The following C8orf34 variants were observed in gnomAD, a reference collection of about 807,000 sequenced individuals.
C8orf34 encodes uncharacterized protein C8orf34.
A neutral mutation model predicts 68.3 loss-of-function variants in C8orf34; 65 were observed. The ratio of observed to expected loss-of-function variants is 0.95; its 90% CI spans 0.78 to 1.17. The LOEUF (loss-of-function observed/expected upper bound fraction) is 1.17, where lower values mean the gene tolerates loss of function less well. Ranked by LOEUF, C8orf34 falls within the 50% of genes most tolerant of loss-of-function variation. The pLI, the probability that C8orf34 is intolerant of heterozygous loss-of-function variation, is 0.00. For synonymous variants in C8orf34, 244 were observed against 241.2 expected (o/e 1.01, Z -0.11); for missense variants, 664 against 655.4 (o/e 1.01, Z -0.14).
intron 12 of C8orf34, among the ~76,000 whole-genome samples, chr8:68,802,964 G>A (rs1824375529): frequency 6.6e-6 from 1 of 151,842 alleles, no homozygotes; most frequent in African/African-American, 2.4e-5. Context: ...CTGACACACA[G>A]GAAATAGAAA....
At chr8:68,417,423 A>G (rs1430692027) in intron 1 of C8orf34, among the ~76,000 whole-genome samples, 2 of 152,070 alleles carry the variant, frequency 1.3e-5, no homozygotes, top group Admixed American at 6.6e-5. Flanking sequence ...GATTAAATAA[A>G]CTTGTACAGC....
intron 10 of C8orf34, among the ~76,000 whole-genome samples, chr8:68,767,360 T>A (rs1352665784): frequency 3.9e-5 from 6 of 152,172 alleles, no homozygotes; most frequent in South Asian, 2.1e-4. Context: ...GCATTCATTG[T>A]CCCCCAAAGT....
rs1305149322 is a variant in C8orf34 at position 68,488,008 on chromosome 8, T to C, written c.737-15T>C. 3 of 1,575,824 alleles carry C rather than the reference T, an allele frequency of 1.9e-6. No homozygotes were observed. The highest frequency in any genetic ancestry group is 2.7e-5 in the African/African-American group (2 of 73,356). On this transcript the variant is annotated splice_polypyrimidine_tract_variant and intron_variant, in intron 4 of 13. Transcript: ENST00000518698. ...CTTCTAAAACTTTTTTTTATAAATC[T>C]CTTTTAAATCCCAGGTATTGCAATT...
intron 8 of C8orf34, among the ~76,000 whole-genome samples, chr8:68,706,877 G>C (rs1821181620): frequency 2.0e-5 from 3 of 152,260 alleles, no homozygotes; most frequent in Middle Eastern, 3.4e-3. Flanking sequence ...CCTGGGAGAG[G>C]AGGTCCTGGA....
intron 8 of C8orf34, among the ~76,000 whole-genome samples, chr8:68,673,077 A>C (rs1208320529): frequency 6.6e-6 from 1 of 152,070 alleles, no homozygotes; most frequent in Non-Finnish European, 1.5e-5. Context: ...AGGATTAATC[A>C]TCTGCTGACT....
intron 8 of C8orf34, among the ~76,000 whole-genome samples, chr8:68,705,803 A>C (rs556072847): frequency 2.0e-5 from 3 of 152,234 alleles, no homozygotes; most frequent in South Asian, 4.2e-4. Context: ...GGAAAAAAAA[A>C]CAGAAAAAAT....
chr8:68,483,064 T>C (rs1304606455), intron 4 of C8orf34, among the ~76,000 whole-genome samples: 1 of 152,174 alleles, frequency 6.6e-6, no homozygotes, highest in African/African-American at 2.4e-5. Flanking sequence ...TTTTGTGAAA[T>C]GAATTACACT....
chr8:68,618,498 C>T (rs1412679537), intron 7 of C8orf34, among the ~76,000 whole-genome samples: 5 of 152,050 alleles, frequency 3.3e-5, no homozygotes, highest in Admixed American at 6.6e-5. Context: ...CACAGATGCA[C>T]AACACAACGC....
At chr8:68,443,653 A>G (rs897213615) in intron 2 of C8orf34, among the ~76,000 whole-genome samples, 9 of 151,308 alleles carry the variant, frequency 5.9e-5, no homozygotes, top group African/African-American at 9.7e-5. Context: ...TGATCTGCCC[A>G]CCTCGGCCTC....
intron 12 of C8orf34, among the ~76,000 whole-genome samples, chr8:68,812,287 G>C (rs554728495): frequency 7.2e-5 from 11 of 152,184 alleles, no homozygotes; most frequent in Middle Eastern, 6.8e-3. Context: ...ATTACATTAA[G>C]TATGTTTTCA....
At chr8:68,695,746 T>C (rs994811982) in intron 8 of C8orf34, 1 of 152,092 alleles carries the variant, frequency 6.6e-6, no homozygotes, top group African/African-American at 2.4e-5. Context: ...ATCATATGTC[T>C]CATGAGCTTG....
chr8:68,607,577 G>T lies in C8orf34; in HGVS notation c.1106-32799G>T, dbSNP rs570727198. ...AAATACAGTCACATTCTAAGGTACTGGGAGTTAGGACTTCAACATATGAAA... is the reference window on the plus strand; with the variant it reads ...AAATACAGTCACATTCTAAGGTACTTGGAGTTAGGACTTCAACATATGAAA... On this transcript the variant is annotated intron_variant, in intron 7 of 13. Coordinates refer to ENST00000518698, the MANE Select transcript of C8orf34 (RefSeq NM_052958.4). 1.8e-3 allele frequency among the ~76,000 whole-genome samples: 267 copies of T among 152,186 alleles called. 1 individual carries two copies. The highest frequency in any genetic ancestry group is 6.3e-3 in the African/African-American group (261 of 41,548).
chr8:68,559,377 C>A (rs557512000), intron 7 of C8orf34, among the ~76,000 whole-genome samples: 2 of 152,198 alleles, frequency 1.3e-5, no homozygotes, highest in African/African-American at 2.4e-5. Context: ...TTTTAAAGTG[C>A]GAGTGTTTTT....
At chr8:68,655,037 A>T (rs140925932) in intron 8 of C8orf34, among the ~76,000 whole-genome samples, 2 of 152,320 alleles carry the variant, frequency 1.3e-5, no homozygotes, top group African/African-American at 4.8e-5. Flanking sequence ...TGGATTTTCT[A>T]GAGGCTTTAA....
intron 7 of C8orf34, among the ~76,000 whole-genome samples, chr8:68,636,073 G>C (rs976808852): frequency 6.6e-6 from 1 of 152,176 alleles, no homozygotes; most frequent in African/African-American, 2.4e-5. Context: ...CTTTGAATAT[G>C]TTCTGATTGG....
intron 7 of C8orf34, among the ~76,000 whole-genome samples, chr8:68,611,649 T>G (rs1818027494): frequency 6.6e-6 from 1 of 152,186 alleles, no homozygotes; most frequent in Non-Finnish European, 1.5e-5. Flanking sequence ...TAAGCTTTTA[T>G]TTTGTAGTGA....
At chr8:68,621,643 T>C (rs1818392411) in intron 7 of C8orf34, among the ~76,000 whole-genome samples, 1 of 152,176 alleles carries the variant, frequency 6.6e-6, no homozygotes, top group African/African-American at 2.4e-5. Context: ...AAAAATATTT[T>C]AGGGAATAAT....
intron 13 of C8orf34, among the ~76,000 whole-genome samples, chr8:68,816,264 T>G (rs1824816074): frequency 6.6e-6 from 1 of 151,938 alleles, no homozygotes; most frequent in Non-Finnish European, 1.5e-5. Flanking sequence ...AAAAATAATA[T>G]CTTCTAGATA....
chr8:68,710,424 T>C (rs1478745701), intron 9 of C8orf34, among the ~76,000 whole-genome samples: 2 of 152,108 alleles, frequency 1.3e-5, no homozygotes, highest in Non-Finnish European at 2.9e-5. Flanking sequence ...AATAAACTCA[T>C]TGCTGTTGAG....
Sources: allele counts gnomAD v4.1 joint callset (sites outside exome capture counted in the v4.1 genomes callset), GRCh38; gene constraint gnomAD v4.1.1; transcripts MANE v1.5; gene names NCBI Gene and HGNC (gene_info 2026-07-23, HGNC 2026-07-21).